H2AC25: variants seen among roughly 807,000 people sequenced by gnomAD.
H2AC25 encodes the protein histone H2A type 3.
the H2AC25 span, chr1:228,457,704 G>A: frequency 2.5e-6 from 4 of 1,613,360 alleles, no homozygotes; most frequent in South Asian, 1.1e-5. Context: ...CCGAATAGTT[G>A]CCCTTGCGGA....
chr1:228,457,694 C>CA, the H2AC25 span: 1 of 1,613,496 alleles, frequency 6.2e-7, no homozygotes, highest in Middle Eastern at 1.7e-4. Context: ...CCCACGCGCT[C>CA]CGAATAGTTG....
At chr1:228,457,500 AC>A in the H2AC25 span, 2 of 1,614,076 alleles carry the variant, frequency 1.2e-6, no homozygotes, top group South Asian at 1.1e-5. Context: ...GCAGGACGCC[AC>A]CCTGCGCGAT....
chr1:228,457,844 G>C, the H2AC25 span: 7 of 1,579,438 alleles, frequency 4.4e-6, no homozygotes, highest in African/African-American at 2.7e-5. Context: ...AAAGACAACG[G>C]CAACCGAAAA....
chr1:228,457,569 G>A, the H2AC25 span: 8 of 1,614,118 alleles, frequency 5.0e-6, no homozygotes, highest in Non-Finnish European at 6.8e-6. Flanking sequence ...CCAGCTGCAG[G>A]TGGCGCGGGA....
the H2AC25 span, chr1:228,457,508 C>G: frequency 6.2e-7 from 1 of 1,614,088 alleles, no homozygotes; most frequent in Non-Finnish European, 8.5e-7. Flanking sequence ...CCACCCTGCG[C>G]GATGGTCACG....
the H2AC25 span, chr1:228,457,859 G>A: frequency 8.3e-6 from 13 of 1,569,410 alleles, no homozygotes; most frequent in Middle Eastern, 1.7e-4. Context: ...CGAAAAGCGA[G>A]ACTAAAAACA....
chr1:228,457,538 G>A, the H2AC25 span: 1 of 1,614,020 alleles, frequency 6.2e-7, no homozygotes, highest in Non-Finnish European at 8.5e-7. Flanking sequence ...AGCTTGTTGA[G>A]CTCCTCGTCG....
chr1:228,457,737 G>T, the H2AC25 span: 1 of 1,612,562 alleles, frequency 6.2e-7, no homozygotes, highest in Non-Finnish European at 8.5e-7. Context: ...CGCGGCCCAC[G>T]GGGAACTGCA....
At chr1:228,457,611 G>A in the H2AC25 span, 2 of 1,613,886 alleles carry the variant, frequency 1.2e-6, no homozygotes, top group African/African-American at 1.3e-5. Context: ...CGCGCGCCGC[G>A]TTGCCGGCAA....
chr1:228,457,672 G>C, the H2AC25 span: 435 of 1,613,490 alleles, frequency 2.7e-4, no homozygotes, highest in African/African-American at 3.5e-4. Flanking sequence ...CAGATAGACC[G>C]GGGCGCCGGC....
the H2AC25 span, chr1:228,457,819 TC>T: frequency 6.3e-7 from 1 of 1,588,622 alleles, no homozygotes; most frequent in Non-Finnish European, 8.5e-7. Context: ...ACCGGACATT[TC>T]CGAGTCAAGG....
the H2AC25 span, chr1:228,457,815 C>T: frequency 1.9e-6 from 3 of 1,593,372 alleles, no homozygotes; most frequent in East Asian, 2.2e-5. Flanking sequence ...CACGACCGGA[C>T]ATTTCCGAGT....
the H2AC25 span, chr1:228,457,586 G>A: frequency 6.2e-7 from 1 of 1,614,078 alleles, no homozygotes; most frequent in Non-Finnish European, 8.5e-7. Context: ...GGGATGATGC[G>A]CGTCTTCTTG....
At chr1:228,457,400 G>C in the H2AC25 span, 2 of 1,613,106 alleles carry the variant, frequency 1.2e-6, no homozygotes, top group Admixed American at 1.7e-5. Flanking sequence ...GTCCATCAAA[G>C]GGGCCCCGGG....
At chr1:228,457,521 G>A in the H2AC25 span, 1 of 1,614,114 alleles carries the variant, frequency 6.2e-7, no homozygotes, top group Non-Finnish European at 8.5e-7. Flanking sequence ...TGGTCACGCG[G>A]CCCAGCAGCT....
chr1:228,457,657 G>A, the H2AC25 span: 3 of 1,613,836 alleles, frequency 1.9e-6, no homozygotes, highest in East Asian at 4.5e-5. Flanking sequence ...CTCGAGCACC[G>A]CGGCCAGATA....
the H2AC25 span, chr1:228,457,418 G>A: frequency 1.2e-6 from 2 of 1,613,748 alleles, no homozygotes; most frequent in East Asian, 4.5e-5. Flanking sequence ...GGGGGCGGCG[G>A]GCGGCCTCAC....
At chr1:228,457,850 G>A in the H2AC25 span, 13 of 1,573,818 alleles carry the variant, frequency 8.3e-6, no homozygotes, top group Admixed American at 9.3e-5. Flanking sequence ...AACGGCAACC[G>A]AAAAGCGAGA....
the H2AC25 span, chr1:228,457,392 C>CCAT: frequency 9.3e-6 from 15 of 1,612,352 alleles, no homozygotes; most frequent in Non-Finnish European, 1.0e-5. Context: ...GCCTTTATGT[C>CCAT]CATCAAAGGG....
Sources: allele counts gnomAD v4.1 joint callset, GRCh38; gene constraint gnomAD v4.1.1; transcripts MANE v1.5; gene names NCBI Gene and HGNC (gene_info 2026-07-23, HGNC 2026-07-21).